The following TUSC3 variants were observed in gnomAD, a reference collection of about 807,000 sequenced individuals.
TUSC3 encodes tumor suppressor candidate 3, also known as dolichyl-diphosphooligosaccharide--protein glycosyltransferase subunit TUSC3.
TUSC3 carries 45 observed loss-of-function variants against 44.8 expected under a neutral mutation model. The observed-to-expected ratio is 1.00, with a 90% CI of 0.79 to 1.29. The LOEUF is 1.29. Among genes scored for constraint, TUSC3 ranks in the 50% most tolerant of loss-of-function variants. The pLI is 0.00. For synonymous variants in TUSC3, 212 were observed against 152.9 expected, an observed-to-expected ratio of 1.39 and a Z score of -2.85; for missense variants, 519 against 437.9, an observed-to-expected ratio of 1.19 and a Z score of -1.65.
intron 2 of TUSC3, among the ~76,000 whole-genome samples, chr8:15,508,439 T>G (rs1801087401): frequency 6.7e-6 from 1 of 149,144 alleles, no homozygotes; most frequent in African/African-American, 2.5e-5. Flanking sequence ...TTTGAGGTAG[T>G]TTAGGAATCG....
rs1387537652 is a variant in TUSC3 at position 15,765,943 on chromosome 8, T to C, written c.*1787T>C. 6.6e-6 allele frequency: 1 copy of C among 152,098 alleles called. No homozygotes were observed. The highest frequency in any genetic ancestry group is 2.4e-5 in the African/African-American group (1 of 41,452). 9.4% of individuals were successfully genotyped at this position (152,098 alleles called of 1,614,324 possible). Reference sequence around the variant, plus strand: ...TTTGTATCCTTAAATCTCAGAATTATCTTGCAGTTAATATGCAGCTGATTA... The same window carrying C: ...TTTGTATCCTTAAATCTCAGAATTACCTTGCAGTTAATATGCAGCTGATTA... On this transcript the variant is annotated 3_prime_UTR_variant, in exon 11 of 11. Coordinates refer to ENST00000503731, the MANE Select transcript of TUSC3 (RefSeq NM_006765.4).
At chr8:15,582,528 AAATT>A (rs1210392987) in intron 1 of TUSC3, among the ~76,000 whole-genome samples, 9 of 152,358 alleles carry the variant, frequency 5.9e-5, no homozygotes, top group Admixed American at 5.2e-4. Context: ...TGGCAGTTAA[AAATT>A]AAAGCTCAAA....
In TUSC3 at chr8:15,623,110, A is replaced by T; in HGVS notation, c.169A>T (p.Met57Leu). ...TTTAGCTGAAAAAGTAGAGCAGCTGATGGAATGGAGTTCCAGACGCTCAAT... is the reference window on the plus strand; with the variant it reads ...TTTAGCTGAAAAAGTAGAGCAGCTGTTGGAATGGAGTTCCAGACGCTCAAT... ...NLLAEKVEQL[M>L]EWSSRRSIFR... Residue 57 changes from methionine to leucine, a missense_variant, in exon 2 of 11, where the codon ATG (methionine) becomes TTG (leucine). Met to Leu is a conservative substitution (Grantham distance 15). Coordinates refer to ENST00000503731, the MANE Select transcript of TUSC3 (RefSeq NM_006765.4). The T allele has an allele frequency of 6.2e-7, 1 of 1,613,968 alleles. No individual in the cohort carries two copies. The highest frequency in any genetic ancestry group is 8.5e-7 in the Non-Finnish European group (1 of 1,179,902).
chr8:15,740,670 T>G (rs557266988), intron 7 of TUSC3, among the ~76,000 whole-genome samples: 1 of 152,288 alleles, frequency 6.6e-6, no homozygotes, highest in East Asian at 1.9e-4. Flanking sequence ...ATTGTGTTAG[T>G]GAAATGTAAG....
At chr8:15,509,982 C>G (rs1404627081) in intron 2 of TUSC3, among the ~76,000 whole-genome samples, 1 of 152,046 alleles carries the variant, frequency 6.6e-6, no homozygotes, top group Non-Finnish European at 1.5e-5. Flanking sequence ...GCAGCCTGAG[C>G]CACATAGCAA....
chr8:15,827,913 C>A, the TUSC3 span, among the ~76,000 whole-genome samples: 2 of 151,742 alleles, frequency 1.3e-5, no homozygotes, highest in Non-Finnish European at 2.9e-5. Flanking sequence ...CAGAGGTGAA[C>A]TGTTATGGAT....
intron 1 of TUSC3, among the ~76,000 whole-genome samples, chr8:15,601,949 G>A (rs773825226): frequency 5.3e-5 from 8 of 150,912 alleles, no homozygotes; most frequent in East Asian, 1.9e-4. Context: ...TAACTGACAC[G>A]CAGAACTAGC....
chr8:15,494,405 C>A lies in TUSC3; in HGVS notation n.189+10922C>A, dbSNP rs4831729. Among the ~76,000 whole-genome samples, 157 of 151,444 alleles carry A rather than the reference C, an allele frequency of 1.0e-3. 2 individuals carry two copies. In the East Asian group the frequency reaches 0.023, roughly 22 times the overall value. Reference sequence around the variant, plus strand: ...CGATCTCGGCTCACTGCAGCCTCTGCCTCCCAGGTTCAAGTGATTCTGCTG... The same window carrying A: ...CGATCTCGGCTCACTGCAGCCTCTGACTCCCAGGTTCAAGTGATTCTGCTG... On this transcript the variant is annotated intron_variant and non_coding_transcript_variant, in intron 2 of 5. Coordinates refer to the TUSC3 transcript ENST00000503191.
downstream of TUSC3, chr8:15,766,687 A>C (rs1262951888): frequency 6.6e-6 from 1 of 152,116 alleles, no homozygotes; most frequent in African/African-American, 2.4e-5. Flanking sequence ...CACACGAAGT[A>C]ACATCCCTTG....
chr8:15,584,008 G>A (rs1264811573), intron 1 of TUSC3, among the ~76,000 whole-genome samples: 1 of 152,224 alleles, frequency 6.6e-6, no homozygotes, highest in Non-Finnish European at 1.5e-5. Flanking sequence ...TGCAGGGGCA[G>A]TATTTTGTGA....
chr8:15,506,700 G>C (rs2129127728), intron 2 of TUSC3, among the ~76,000 whole-genome samples: 1 of 152,264 alleles, frequency 6.6e-6, no homozygotes, highest in East Asian at 1.9e-4. Flanking sequence ...CACGAGAACA[G>C]CGCAGGAAAA....
intron 2 of TUSC3, among the ~76,000 whole-genome samples, chr8:15,649,714 G>A (rs536626640): frequency 3.3e-5 from 5 of 151,088 alleles, no homozygotes; most frequent in African/African-American, 1.2e-4. Context: ...AATCTCCTTT[G>A]AGAGTCTAAC....
intron 2 of TUSC3, among the ~76,000 whole-genome samples, chr8:15,531,092 C>A (rs554729857): frequency 1.6e-4 from 25 of 152,200 alleles, no homozygotes; most frequent in South Asian, 6.2e-4. Flanking sequence ...GCTGTGCATG[C>A]GGGCAGCTTA....
At chr8:15,662,043 T>C in intron 4 of TUSC3, 113 bp from the exon 5 acceptor site, 1 of 1,171,906 alleles carries the variant, frequency 8.5e-7, no homozygotes, top group Non-Finnish European at 1.2e-6. Context: ...GTATGAAAAG[T>C]TGGGTGGCAT....
upstream of TUSC3, among the ~76,000 whole-genome samples, chr8:15,538,884 C>A (rs74534382): frequency 1.3e-5 from 2 of 151,892 alleles, no homozygotes; most frequent in South Asian, 4.2e-4. Context: ...GGGTTTTGCT[C>A]TGTCTCCCAG....
chr8:15,545,072 G>A (rs138513869), intron 1 of TUSC3, among the ~76,000 whole-genome samples: 1 of 151,648 alleles, frequency 6.6e-6, no homozygotes, highest in South Asian at 2.1e-4. Context: ...TAAGATGTAG[G>A]TGTTATATTT....
chr8:15,443,290 T>G (rs1800044702), intron 1 of TUSC3, among the ~76,000 whole-genome samples: 1 of 151,338 alleles, frequency 6.6e-6, no homozygotes, highest in Non-Finnish European at 1.5e-5. Flanking sequence ...CACCTCAGCC[T>G]ATGAAATAGC....
chr8:15,695,695 G>T (rs1017511732), intron 6 of TUSC3, among the ~76,000 whole-genome samples: 2 of 152,168 alleles, frequency 1.3e-5, no homozygotes, highest in Non-Finnish European at 1.5e-5. Flanking sequence ...TGATCAAAAC[G>T]CTGATAATGA....
the TUSC3 span, among the ~76,000 whole-genome samples, chr8:15,786,488 G>T: frequency 6.6e-6 from 1 of 152,156 alleles, no homozygotes; most frequent in Non-Finnish European, 1.5e-5. Context: ...TTGTTTTTCA[G>T]AAGGATTTTC....
Sources: allele counts gnomAD v4.1 joint callset (sites outside exome capture counted in the v4.1 genomes callset), GRCh38; gene constraint gnomAD v4.1.1; transcripts MANE v1.5; gene names NCBI Gene and HGNC (gene_info 2026-07-23, HGNC 2026-07-21).